Variants in DNAJB1 observed in about 807,000 individuals in gnomAD.
DNAJB1 encodes DnaJ heat shock protein family (Hsp40) member B1.
In DNAJB1, 14 loss-of-function variants were observed where a neutral mutation model predicts 24.0. The ratio of observed to expected loss-of-function variants is 0.58; its 90% CI spans 0.39 to 0.91. DNAJB1 has a LOEUF of 0.91. Ranked by LOEUF, DNAJB1 falls within the 40% of genes least tolerant of loss-of-function variation. The pLI, the probability that DNAJB1 is intolerant of heterozygous loss-of-function variation, is 0.00. For missense variants in DNAJB1, 517 were observed against 458.1 expected (o/e 1.13, Z -1.17); for synonymous variants, 262 against 174.4 (o/e 1.50, Z -3.96).
intron 1 of DNAJB1, among the ~76,000 whole-genome samples, chr19:14,536,991 G>A (rs564803898): frequency 7.5e-5 from 11 of 146,364 alleles, no homozygotes; most frequent in South Asian, 4.5e-4. Context: ...GGGCCGAGGA[G>A]GAGGAGGTGG....
Position 14,514,874 on chromosome 19 carries a change from A to G in DNAJB1, c.*1066T>C, listed in dbSNP as rs2072228743. 6.6e-6 allele frequency: 1 copy of G among 152,634 alleles called. No individual in the cohort carries two copies. The highest frequency in any genetic ancestry group is 1.5e-5 in the Non-Finnish European group (1 of 68,064). The allele number at this position is 152,634 out of a possible 1,614,324, so 9.5% of individuals were successfully genotyped here. A position where few individuals can be genotyped will look rare whatever the true frequency, so the allele number is the denominator to read the frequency against. Reference sequence around the variant, plus strand: ...TTACAATGAGTCTAAAGGTCTGAGCACTGGACTGGCCTCCAGGGAACAGAC... The same window carrying G: ...TTACAATGAGTCTAAAGGTCTGAGCGCTGGACTGGCCTCCAGGGAACAGAC... On this transcript the variant is annotated 3_prime_UTR_variant, in exon 3 of 3. Coordinates refer to ENST00000254322, the MANE Select transcript of DNAJB1 (RefSeq NM_006145.3).
upstream of DNAJB1, chr19:14,534,077 C>G (rs2072771310): frequency 1.3e-5 from 2 of 151,960 alleles, no homozygotes; most frequent in Non-Finnish European, 2.9e-5. Flanking sequence ...GCTGAATACC[C>G]AGAAGCGAGC....
chr19:14,545,301 A>G (rs1188600373), intron 1 of DNAJB1: 1 of 426,232 alleles, frequency 2.3e-6, no homozygotes, highest in East Asian at 7.1e-5. Flanking sequence ...GTGCTACCCC[A>G]GGGCCTTTGC....
At chr19:14,556,198 G>A (rs1377331276) in intron 1 of DNAJB1, among the ~76,000 whole-genome samples, 2 of 152,048 alleles carry the variant, frequency 1.3e-5, no homozygotes, top group South Asian at 2.1e-4. Context: ...GCTCAGCCAC[G>A]CTAGGTATGG....
At chr19:14,520,798 A>C (rs1292095030), upstream of DNAJB1, among the ~76,000 whole-genome samples, 1 of 152,204 alleles carries the variant, frequency 6.6e-6, no homozygotes, top group Non-Finnish European at 1.5e-5. Context: ...CAGCCTGGGC[A>C]ACATAGTGAG....
chr19:14,536,934 C>T (rs1466097895), intron 1 of DNAJB1, among the ~76,000 whole-genome samples: 1 of 146,154 alleles, frequency 6.8e-6, no homozygotes, highest in Admixed American at 7.0e-5. Context: ...ACCTCTGGAC[C>T]TCTGGACACG....
intron 1 of DNAJB1, among the ~76,000 whole-genome samples, chr19:14,535,543 AATATATATATATATATATAT>A (rs747348455): frequency 0.061 from 1,982 of 32,672 alleles, 71 homozygotes; most frequent in Non-Finnish European, 0.07. Context: ...AAAAAAAAAA[AATATATATATATATATATAT>A]ATATATATAT....
At chr19:14,536,343 C>T (rs946069204) in intron 1 of DNAJB1, among the ~76,000 whole-genome samples, 3 of 151,186 alleles carry the variant, frequency 2.0e-5, no homozygotes, top group Non-Finnish European at 2.9e-5. Context: ...CATCTAGGCT[C>T]ACTGCAACCT....
intron 1 of DNAJB1, among the ~76,000 whole-genome samples, chr19:14,546,741 G>A (rs113272284): frequency 0.2 from 29,743 of 151,978 alleles, 3,223 homozygotes; most frequent in South Asian, 0.38. Context: ...CTGGAGTGCC[G>A]TGTCGCGATC....
At chr19:14,551,970 TCTTTCTCTC>T (rs1286511377), upstream of DNAJB1, among the ~76,000 whole-genome samples, 131 of 123,580 alleles carry the variant, frequency 1.1e-3, no homozygotes, top group African/African-American at 3.8e-3. Flanking sequence ...TCTCTCTCTC[TCTTTCTCTC>T]TTTTTTTTTT....
chr19:14,533,684 C>G (rs2072757373), upstream of DNAJB1, among the ~76,000 whole-genome samples: 1 of 150,136 alleles, frequency 6.7e-6, no homozygotes. Flanking sequence ...CCATAGTAGC[C>G]TCATATCACT....
At chr19:14,543,419 ATTT>A (rs1169742953) in intron 1 of DNAJB1, among the ~76,000 whole-genome samples, 7 of 21,882 alleles carry the variant, frequency 3.2e-4, no homozygotes, top group African/African-American at 2.4e-4. Context: ...ATATATATAT[ATTT>A]TTTTTTTTTT....
chr19:14,543,316 A>C (rs529224831), intron 1 of DNAJB1, among the ~76,000 whole-genome samples: 1 of 142,714 alleles, frequency 7.0e-6, no homozygotes, highest in East Asian at 2.1e-4. Flanking sequence ...GTGTGTGTGC[A>C]GATACTGGAA....
At chr19:14,521,773 G>A (rs1027671235), upstream of DNAJB1, among the ~76,000 whole-genome samples, 1 of 151,996 alleles carries the variant, frequency 6.6e-6, no homozygotes, top group African/African-American at 2.4e-5. Context: ...AGGTGCTTGC[G>A]ACCATGCCTG....
upstream of DNAJB1, among the ~76,000 whole-genome samples, chr19:14,551,946 C>CCTCT (rs71166756): frequency 3.9e-3 from 276 of 71,240 alleles, 2 homozygotes; most frequent in Non-Finnish European, 4.0e-3. Flanking sequence ...TCCCTCCCTC[C>CCTCT]CTCTCTCTCT....
chr19:14,515,953 AC>A lies in DNAJB1; in HGVS notation c.1009del (p.Val337PhefsTer69), dbSNP rs753428745. On this transcript the variant is annotated frameshift_variant, in exon 3 of 3. Coordinates refer to ENST00000254322, the MANE Select transcript of DNAJB1 (RefSeq NM_006145.3). LOFTEE classifies it high-confidence loss of function. ...GAGCTCAGATAGCTATATTGGAAGAACCTGCTCAAGTACGGTTCTTGATGTC... is the reference window on the plus strand; with the variant it reads ...GAGCTCAGATAGCTATATTGGAAGAACTGCTCAAGTACGGTTCTTGATGTC... ...PQTSRTVLEQ[V>X]LPI is the part of the protein sequence containing the mutation. 1 of 1,608,216 alleles carries A rather than the reference AC, an allele frequency of 6.2e-7. No homozygotes were observed. Among genetic ancestry groups the A allele is most frequent in the Non-Finnish European group, 8.5e-7 (1 of 1,178,742 alleles).
rs748154927 is a variant in DNAJB1, at chr19:14,516,080, G to C, written c.883C>G (p.Arg295Gly). 1 of 1,613,622 alleles carries C rather than the reference G, an allele frequency of 6.2e-7. No individual in the cohort carries two copies. Among genetic ancestry groups the C allele is most frequent in the African/African-American group, 1.3e-5 (1 of 74,864 alleles). The change falls in exon 3 of 3, where the codon CGA becomes GGA. Residue 295 changes from arginine to glycine, a missense_variant. Transcript: ENST00000254322. ...GGGAGGCCTTCTCCAGGAACTTTTCGCCGCATGCCAGGCCTGATAACATCT... is the reference window on the plus strand; with the variant it reads ...GGGAGGCCTTCTCCAGGAACTTTTCCCCGCATGCCAGGCCTGATAACATCT... ...FKDVIRPGMR[R>G]KVPGEGLPLP...
chr19:14,549,484 C>G (rs147089892), intron 1 of DNAJB1, among the ~76,000 whole-genome samples: 11 of 151,940 alleles, frequency 7.2e-5, no homozygotes, highest in African/African-American at 2.7e-4. Context: ...CCCCCTAACC[C>G]GGCTAAGTTT....
At chr19:14,549,947 A>T (rs377355096) in intron 1 of DNAJB1, among the ~76,000 whole-genome samples, 163 of 151,216 alleles carry the variant, frequency 1.1e-3, no homozygotes, top group African/African-American at 3.8e-3. Flanking sequence ...TGTCTCAAAA[A>T]AAAAAATAAA....
Sources: gnomAD v4.1 joint callset for allele counts (sites outside exome capture counted in the v4.1 genomes callset) on GRCh38, gnomAD v4.1.1 for gene constraint, MANE v1.5 for transcripts, NCBI Gene and HGNC (gene_info 2026-07-23, HGNC 2026-07-21) for gene names.